The following SPON1 variants were observed in gnomAD, a reference collection of about 807,000 sequenced individuals.
The protein encoded by SPON1 is spondin 1.
In SPON1, 52 loss-of-function variants were observed where a neutral mutation model predicts 111.7. That is an observed-to-expected ratio of 0.47 (90% CI 0.37 to 0.59). The LOEUF (loss-of-function observed/expected upper bound fraction) is 0.59. SPON1 is among the 20% of genes least tolerant of loss of function. The pLI, the probability that SPON1 is intolerant of heterozygous loss-of-function variation, is 0.00. For synonymous variants in SPON1, 410 were observed against 395.8 expected, an observed-to-expected ratio of 1.04 and a Z score of -0.43; for missense variants, 957 against 1,068.5, an observed-to-expected ratio of 0.90 and a Z score of 1.46.
At chr11:14,216,273 G>C (rs898693960) in intron 6 of SPON1, among the ~76,000 whole-genome samples, 10 of 152,158 alleles carry the variant, frequency 6.6e-5, no homozygotes, top group Non-Finnish European at 1.0e-4. Flanking sequence ...AATCAACCCT[G>C]TACCTGCAAA....
Position 14,265,900 on chromosome 11 carries a change from C to A in SPON1, c.*213C>A. ...GGGCGCCCTCACCTCCAGCCAGCCT[C>A]TTCCTGCAGAGGAGTAGTGTCAGCC... On this transcript the variant is annotated 3_prime_UTR_variant, in exon 16 of 16. Coordinates refer to ENST00000576479, the MANE Select transcript of SPON1 (RefSeq NM_006108.4). The A allele has an allele frequency of 2.0e-6, 1 of 512,090 alleles. No homozygotes were observed. Among genetic ancestry groups the A allele is most frequent in the Non-Finnish European group, 3.5e-6 (1 of 288,188 alleles). The allele number at this position is 512,090 out of a possible 1,614,324, so 31.7% of individuals were successfully genotyped here. A position where few individuals can be genotyped will look rare whatever the true frequency, so the allele number is the denominator to read the frequency against.
chr11:14,148,502 A>G (rs1436427150), intron 6 of SPON1, among the ~76,000 whole-genome samples: 1 of 152,182 alleles, frequency 6.6e-6, no homozygotes, highest in Non-Finnish European at 1.5e-5. Context: ...CCAACCAACA[A>G]ACACCCAAGC....
intron 6 of SPON1, among the ~76,000 whole-genome samples, chr11:14,156,573 C>A (rs1207916651): frequency 1.5e-4 from 23 of 151,604 alleles, no homozygotes; most frequent in African/African-American, 5.6e-4. Context: ...CTTGCCCATG[C>A]CTATCTCCTG....
intron 6 of SPON1, among the ~76,000 whole-genome samples, chr11:14,202,126 C>T (rs999198104): frequency 2.6e-5 from 4 of 152,148 alleles, no homozygotes; most frequent in South Asian, 2.1e-4. Flanking sequence ...TCTAATTGAA[C>T]ACTGTGGGAA....
At chr11:14,171,270 G>C (rs1213944537) in intron 6 of SPON1, among the ~76,000 whole-genome samples, 6 of 152,182 alleles carry the variant, frequency 3.9e-5, no homozygotes, top group East Asian at 3.8e-4. Context: ...AGATTTTCTA[G>C]TTTATTTGCG....
chr11:14,175,654 A>T (rs1200930314), intron 6 of SPON1, among the ~76,000 whole-genome samples: 4 of 152,118 alleles, frequency 2.6e-5, no homozygotes, highest in Admixed American at 1.3e-4. Context: ...CAAACAGAGA[A>T]AGAGAGAGCA....
At chr11:14,074,663 G>A (rs1158633162) in intron 3 of SPON1, among the ~76,000 whole-genome samples, 1 of 152,214 alleles carries the variant, frequency 6.6e-6, no homozygotes, top group Non-Finnish European at 1.5e-5. Context: ...CAACAACAGA[G>A]TGGGTTAAAA....
In SPON1 at chr11:14,128,736, G is replaced by A. The variant is rs192278474; in HGVS notation, c.677-6684G>A. On this transcript the variant is annotated intron_variant, in intron 5 of 15. Coordinates refer to ENST00000576479, the MANE Select transcript of SPON1 (RefSeq NM_006108.4). ...GGCCCTACTAGAGGTTCTCCATGAG[G>A]GCTCTGCCCCTGCAGCAGGCTTCTG... Among the ~76,000 whole-genome samples the A allele has an allele frequency of 1.8e-4, 28 of 152,338 alleles. 1 individual carries two copies. The East Asian group carries it at 5.4e-3, about 29-fold the overall frequency.
intron 5 of SPON1, among the ~76,000 whole-genome samples, chr11:14,117,371 G>T (rs1175578102): frequency 6.6e-6 from 1 of 151,922 alleles, no homozygotes; most frequent in East Asian, 1.9e-4. Flanking sequence ...TTATTAGTTT[G>T]CTGATATGTT....
intron 1 of SPON1, among the ~76,000 whole-genome samples, chr11:13,979,078 A>G (rs1848124419): frequency 1.3e-5 from 2 of 152,284 alleles, no homozygotes; most frequent in Non-Finnish European, 2.9e-5. Context: ...TTATTCTCTC[A>G]TATTTCTGGA....
chr11:13,977,711 G>A (rs1848113235), intron 1 of SPON1, among the ~76,000 whole-genome samples: 1 of 101,190 alleles, frequency 9.9e-6, no homozygotes, highest in Non-Finnish European at 2.2e-5. Context: ...CTCCTTTATT[G>A]TTAGTGCTTT....
At chr11:14,104,154 G>A (rs1849167217) in intron 5 of SPON1, among the ~76,000 whole-genome samples, 1 of 151,734 alleles carries the variant, frequency 6.6e-6, no homozygotes, top group South Asian at 2.1e-4. Context: ...CTTTTTCTAA[G>A]CCTTTTTAAA....
intron 6 of SPON1, among the ~76,000 whole-genome samples, chr11:14,235,414 C>T (rs145046426): frequency 1.3e-5 from 2 of 152,244 alleles, no homozygotes; most frequent in East Asian, 3.9e-4. Context: ...CATGGTGGCT[C>T]ACGCCTGTAA....
chr11:14,032,178 G>A (rs1199976034), intron 2 of SPON1, among the ~76,000 whole-genome samples: 1 of 152,090 alleles, frequency 6.6e-6, no homozygotes, highest in Non-Finnish European at 1.5e-5. Context: ...GTTATAACAT[G>A]GGAAGCATAC....
At chr11:13,994,600 T>C (rs782774949) in intron 2 of SPON1, among the ~76,000 whole-genome samples, 14 of 152,108 alleles carry the variant, frequency 9.2e-5, no homozygotes, top group Admixed American at 6.5e-4. Flanking sequence ...TTTAGCAAGA[T>C]GAAAGCTAAT....
intron 2 of SPON1, among the ~76,000 whole-genome samples, chr11:13,986,623 C>T (rs976461561): frequency 2.0e-5 from 3 of 149,828 alleles, no homozygotes; most frequent in African/African-American, 7.4e-5. Context: ...TGCAGTTTTG[C>T]TACATAGGTA....
At chr11:13,980,077 G>C (rs1168225289) in intron 1 of SPON1, among the ~76,000 whole-genome samples, 1 of 150,510 alleles carries the variant, frequency 6.6e-6, no homozygotes, top group African/African-American at 2.4e-5. Flanking sequence ...GTCACGCTCT[G>C]TTGCCCAGGC....
At chr11:14,125,336 G>A (rs1215505497) in intron 5 of SPON1, among the ~76,000 whole-genome samples, 3 of 152,218 alleles carry the variant, frequency 2.0e-5, no homozygotes, top group African/African-American at 4.8e-5. Context: ...GCCACATTGT[G>A]CATGGATGAG....
intron 1 of SPON1, among the ~76,000 whole-genome samples, chr11:13,970,952 C>T (rs544368961): frequency 6.6e-6 from 1 of 152,292 alleles, no homozygotes; most frequent in Admixed American, 6.5e-5. Context: ...CTTCAATTCC[C>T]AGAACAGTGC....
Sources: allele counts gnomAD v4.1 joint callset (sites outside exome capture counted in the v4.1 genomes callset), GRCh38; gene constraint gnomAD v4.1.1; transcripts MANE v1.5; gene names NCBI Gene and HGNC (gene_info 2026-07-23, HGNC 2026-07-21).